The following DHX32 variants were observed in gnomAD, a reference collection of about 807,000 sequenced individuals.
DHX32 encodes DEAH-box helicase 32 (putative), also known as putative pre-mRNA-splicing factor ATP-dependent RNA helicase DHX32.
DHX32 carries 51 observed loss-of-function variants against 70.0 expected under a neutral mutation model. That is an observed-to-expected ratio of 0.73 (90% confidence interval 0.58 to 0.92). The LOEUF is 0.92. Ranked by LOEUF, DHX32 falls within the 40% of genes least tolerant of loss-of-function variation. The pLI is 0.00. For synonymous variants in DHX32, 310 were observed against 315.3 expected (o/e 0.98, Z 0.18); for missense variants, 762 against 891.8 (o/e 0.85, Z 1.85).
In DHX32 at chr10:125,836,428, C is replaced by A; in HGVS notation, c.*259G>T. 2 of 1,441,112 alleles carry A rather than the reference C, an allele frequency of 1.4e-6. No homozygotes were observed. The highest frequency in any genetic ancestry group is 5.1e-5 in the East Asian group (2 of 39,354). 89.3% of individuals were successfully genotyped at this position (1,441,112 alleles called of 1,614,324 possible). A position where few individuals can be genotyped will look rare whatever the true frequency, so the allele number is the denominator to read the frequency against. ...TGTCTCTGACACATTTACAAAATAC[C>A]AGTTTTTTAAAATTTTGGTCAAATT... On this transcript the variant is annotated 3_prime_UTR_variant, in exon 11 of 11. Transcript: ENST00000284690.
chr10:125,840,934 T>A lies in DHX32; in HGVS notation c.1606A>T (p.Thr536Ser). The A allele has an allele frequency of 6.2e-7, 1 of 1,612,546 alleles. No homozygotes were observed. The highest frequency in any genetic ancestry group is 1.1e-5 in the South Asian group (1 of 91,038). Residue 536 changes from threonine (T) to serine (S), a missense_variant, in exon 8 of 11, where the codon ACA becomes TCA. By Grantham distance (58) the Thr-to-Ser change is moderately conservative. This residue lies in a region of DHX32 where 366 missense variants were observed against 402.6 expected (regional missense o/e 0.91). Coordinates refer to ENST00000284690, the MANE Select transcript of DHX32 (RefSeq NM_018180.3). Reference sequence around the variant, plus strand: ...TGATCTCCTTCGGGATGTAAAAATGTCTTCCAACAAGTCAAGGCAGCCTCT... The same window carrying A: ...TGATCTCCTTCGGGATGTAAAAATGACTTCCAACAAGTCAAGGCAGCCTCT... Reference protein sequence around the residue: ...AEEAALTCWKTFLHPEGDHFT... With the variant: ...AEEAALTCWKSFLHPEGDHFT...
chr10:125,870,285 G>C (rs548987214), intron 1 of DHX32, among the ~76,000 whole-genome samples: 5 of 152,242 alleles, frequency 3.3e-5, no homozygotes, highest in Admixed American at 2.0e-4. Context: ...AGGCATGGTA[G>C]TTGCAGAATT....
At chr10:125,839,282 T>G (rs1466586696) in intron 8 of DHX32, 94 bp from the exon 9 acceptor site, 1 of 1,309,950 alleles carries the variant, frequency 7.6e-7, no homozygotes, top group Non-Finnish European at 1.1e-6. Context: ...AGCCCTGTGC[T>G]CTCCTCTCCT....
At chr10:125,868,952 C>T (rs1944240199) in intron 1 of DHX32, among the ~76,000 whole-genome samples, 2 of 151,996 alleles carry the variant, frequency 1.3e-5, no homozygotes, top group South Asian at 4.2e-4. Flanking sequence ...CCTAACGGCC[C>T]CTCAAATGAG....
intron 10 of DHX32, among the ~76,000 whole-genome samples, chr10:125,837,637 C>T (rs1413708104): frequency 1.3e-5 from 2 of 152,172 alleles, no homozygotes; most frequent in Non-Finnish European, 2.9e-5. Flanking sequence ...GTTGCCAGGG[C>T]TGGTCTTGAA....
chr10:125,844,987 C>A (rs147932500), intron 6 of DHX32, among the ~76,000 whole-genome samples: 2 of 152,190 alleles, frequency 1.3e-5, no homozygotes, highest in Admixed American at 1.3e-4. Context: ...TTCTGTGGAA[C>A]CCCAAATGCC....
At position 125,839,320 on chromosome 10, in the gene DHX32, A is replaced by G. The variant is rs181929087; in HGVS notation, c.1694-132T>C. The G allele has an allele frequency of 4.8e-5, 42 of 869,362 alleles. No homozygotes were observed. In the East Asian group the frequency reaches 1.1e-3, roughly 22 times the overall value. The allele number at this position is 869,362 out of a possible 1,614,324, so 53.9% of individuals were successfully genotyped here. A position where few individuals can be genotyped will look rare whatever the true frequency, so the allele number is the denominator to read the frequency against. On this transcript the variant is annotated intron_variant, in intron 8 of 10. Transcript: ENST00000284690. ...AAAGGAGGCCACGTAGGTGAGTGGC[A>G]GGAAGGCAGCAAGGACAAGGATTTC...
At chr10:125,867,679 T>G (rs886898847) in intron 1 of DHX32, among the ~76,000 whole-genome samples, 1 of 139,354 alleles carries the variant, frequency 7.2e-6, no homozygotes, top group African/African-American at 2.7e-5. Context: ...GAGCTTGCAG[T>G]GAGCAGAGAT....
intron 2 of DHX32, among the ~76,000 whole-genome samples, chr10:125,861,135 G>C (rs992817890): frequency 6.6e-6 from 1 of 152,036 alleles, no homozygotes; most frequent in Non-Finnish European, 1.5e-5. Flanking sequence ...GCTATCCTTC[G>C]ACAGGCCTGC....
intron 2 of DHX32, among the ~76,000 whole-genome samples, chr10:125,865,014 AAT>A (rs1944212285): frequency 6.6e-6 from 1 of 151,422 alleles, no homozygotes; most frequent in Non-Finnish European, 1.5e-5. Flanking sequence ...AAGCTCTTAT[AAT>A]ATCTCATTTT....
At position 125,864,929 on chromosome 10, in the gene DHX32, CAAAAAAAAAAAAAAAAAAAAAAAAA is replaced by C. The variant is rs61570718; in HGVS notation, c.476+2036_476+2060del. 1.1e-4 allele frequency among the ~76,000 whole-genome samples: 6 copies of C among 54,222 alleles called. No individual in the cohort carries two copies. The South Asian group carries it at 2.9e-3, about 26-fold the overall frequency. The allele number at this position is 54,222 out of a possible 152,430, so 35.6% of individuals were successfully genotyped here. A position where few individuals can be genotyped will look rare whatever the true frequency, so the allele number is the denominator to read the frequency against. Reference sequence around the variant, plus strand: ...TGGGAGACAGAGTGGGACTCTGTCTCAAAAAAAAAAAAAAAAAAAAAAAAAAAAAAAAAAAAAAGAAAGAAAAAGA... The same window carrying C: ...TGGGAGACAGAGTGGGACTCTGTCTCAAAAAAAAAAAAAGAAAGAAAAAGA... On this transcript the variant is annotated intron_variant, in intron 2 of 10. Transcript: ENST00000284690.
At position 125,838,342 on chromosome 10, in the gene DHX32, G is replaced by A. The variant is rs755527693; in HGVS notation, c.1927C>T (p.His643Tyr). 4.3e-6 allele frequency: 7 copies of A among 1,612,116 alleles called. No homozygotes were observed. The East Asian group carries it at 1.1e-4, about 26-fold the overall frequency. Residue 643 changes from histidine (H) to tyrosine (Y), a missense_variant, in exon 10 of 11, where the codon CAT becomes TAT. By Grantham distance (83) the His-to-Tyr change is moderately conservative (BLOSUM62 2). Coordinates refer to ENST00000284690, the MANE Select transcript of DHX32 (RefSeq NM_018180.3). ...GGATGCAGCTGAGCAACCTGCTTAT[G>A]TGTCAGCATTAAGTAGTTACCTGAT... ...DGSGNYLMLT[H>Y]KQVAQLHPLS...
upstream of DHX32, among the ~76,000 whole-genome samples, chr10:125,885,250 AC>A (rs1944335717): frequency 6.6e-6 from 1 of 152,042 alleles, no homozygotes; most frequent in South Asian, 2.1e-4. Flanking sequence ...TGGTCCTTCG[AC>A]TGATGTGGTA....
chr10:125,878,901 G>A (rs1001373513), intron 1 of DHX32, among the ~76,000 whole-genome samples: 4 of 148,934 alleles, frequency 2.7e-5, no homozygotes, highest in Non-Finnish European at 5.9e-5. Context: ...GTAGAGTCAG[G>A]GTTTCACCAT....
chr10:125,892,154 G>C (rs77928805), intron 1 of DHX32, among the ~76,000 whole-genome samples: 3,800 of 77,050 alleles, frequency 0.049, no homozygotes, highest in Middle Eastern at 0.09. Context: ...GAACAATCCA[G>C]TCTATCACCC....
chr10:125,895,869 C>G (rs1944485581), intron 1 of DHX32, among the ~76,000 whole-genome samples: 1 of 152,242 alleles, frequency 6.6e-6, no homozygotes, highest in African/African-American at 2.4e-5. Flanking sequence ...GCCAGGCTCA[C>G]TGGGGACGAC....
chr10:125,845,415 A>T (rs1246898875), intron 6 of DHX32, among the ~76,000 whole-genome samples: 16 of 152,242 alleles, frequency 1.1e-4, no homozygotes, highest in Admixed American at 1.0e-3. Flanking sequence ...CAACATATTT[A>T]TATGTACTTT....
At chr10:125,842,450 G>GT (rs1854908484) in intron 6 of DHX32, 2 of 152,576 alleles carry the variant, frequency 1.3e-5, no homozygotes, top group Admixed American at 1.3e-4. Context: ...GGTAGGGCCT[G>GT]TTCCCACCAC....
chr10:125,869,815 A>C (rs1240747766), intron 1 of DHX32, among the ~76,000 whole-genome samples: 5 of 152,142 alleles, frequency 3.3e-5, no homozygotes, highest in African/African-American at 1.2e-4. Context: ...TACCGAACAG[A>C]GGATCTGACA....
Sources: gnomAD v4.1 joint callset for allele counts (sites outside exome capture counted in the v4.1 genomes callset) on GRCh38, gnomAD v4.1.1 for gene constraint, gnomAD v4.1.1 regional missense constraint, MANE v1.5 for transcripts, NCBI Gene and HGNC (gene_info 2026-07-23, HGNC 2026-07-21) for gene names.